GCKR: variants seen among roughly 807,000 people sequenced by gnomAD.
GCKR encodes glucokinase regulator, also known as glucokinase regulatory protein.
In GCKR, 73 loss-of-function variants were observed where a neutral mutation model predicts 82.9. That is an observed-to-expected ratio of 0.88 (90% confidence interval 0.73 to 1.07). GCKR has a LOEUF of 1.07. GCKR is among the 50% of genes least tolerant of loss of function. The pLI, the probability that GCKR is intolerant of heterozygous loss-of-function variation, is 0.00. For synonymous variants in GCKR, 294 were observed against 291.8 expected, an observed-to-expected ratio of 1.01 and a Z score of -0.08; for missense variants, 784 against 782.1, an observed-to-expected ratio of 1.00 and a Z score of -0.03.
chr2:27,523,182 A>T, intron 18 of GCKR, 87 bp from the exon 19 acceptor site: 1 of 1,107,682 alleles, frequency 9.0e-7, no homozygotes, highest in Non-Finnish European at 1.4e-6. Flanking sequence ...TACAGGCGTG[A>T]GCCACTGCGC....
chr2:27,501,001 T>C lies in GCKR; in HGVS notation c.550-134T>C. On this transcript the variant is annotated intron_variant, in intron 7 of 18. Coordinates refer to ENST00000264717, the MANE Select transcript of GCKR (RefSeq NM_001486.4). ...AACGTGCTCCCCCTTCAAATTTGGA[T>C]CCAGTAGATTGTAACTGTACCTGGG... 3.8e-6 allele frequency: 3 copies of C among 790,852 alleles called. No homozygotes were observed. The South Asian group carries it at 4.1e-5, about 11-fold the overall frequency. 49.0% of individuals were successfully genotyped at this position (790,852 alleles called of 1,614,324 possible). A position where few individuals can be genotyped will look rare whatever the true frequency, so the allele number is the denominator to read the frequency against.
chr2:27,519,168 G>A (rs1180644468), intron 17 of GCKR, among the ~76,000 whole-genome samples: 2 of 152,180 alleles, frequency 1.3e-5, no homozygotes, highest in Non-Finnish European at 2.9e-5. Flanking sequence ...CAAACGTGAT[G>A]GAAAACGAGT....
chr2:27,523,575 G>A lies in GCKR; in HGVS notation c.*136G>A, dbSNP rs1670203830. 2 of 818,102 alleles carry A rather than the reference G, an allele frequency of 2.4e-6. No individual in the cohort carries two copies. The highest frequency in any genetic ancestry group is 4.0e-6 in the Non-Finnish European group (2 of 495,196). 50.7% of individuals were successfully genotyped at this position (818,102 alleles called of 1,614,324 possible). A position where few individuals can be genotyped will look rare whatever the true frequency, so the allele number is the denominator to read the frequency against. On this transcript the variant is annotated 3_prime_UTR_variant, in exon 19 of 19. Transcript: ENST00000264717. The stretch of plus-strand genomic sequence containing the variant: ...GGGCATCCGCAGCCCAGGGTAGGGA[G>A]AAATATTCTCTCCACTTTGGGGGAG...
chr2:27,514,616 TA>T (rs1203569697), intron 16 of GCKR, among the ~76,000 whole-genome samples: 1 of 152,248 alleles, frequency 6.6e-6, no homozygotes, highest in Non-Finnish European at 1.5e-5. Flanking sequence ...TCCACATATG[TA>T]ATAGTTTACT....
intron 16 of GCKR, among the ~76,000 whole-genome samples, chr2:27,515,745 G>GTATATATATA (rs528066615): frequency 7.7e-6 from 1 of 129,464 alleles, no homozygotes; most frequent in African/African-American, 2.9e-5. Flanking sequence ...CCAATTGTTC[G>GTATATATATA]TATATATATA....
chr2:27,512,540 A>G (rs1266731878), intron 16 of GCKR, among the ~76,000 whole-genome samples: 2 of 152,018 alleles, frequency 1.3e-5, no homozygotes, highest in East Asian at 1.9e-4. Context: ...ATCTCAAAAA[A>G]AAAAAAAAAA....
intron 16 of GCKR, among the ~76,000 whole-genome samples, chr2:27,514,622 TTTACTCA>T (rs1669961781): frequency 6.6e-6 from 1 of 152,226 alleles, no homozygotes; most frequent in Non-Finnish European, 1.5e-5. Flanking sequence ...TATGTAATAG[TTTACTCA>T]GGCAATCTCC....
At chr2:27,511,614 C>A (rs545133277) in intron 16 of GCKR, among the ~76,000 whole-genome samples, 8 of 150,802 alleles carry the variant, frequency 5.3e-5, no homozygotes, top group African/African-American at 1.9e-4. Flanking sequence ...CAGGAGAAGC[C>A]GAGGTTGCAG....
chr2:27,501,373 G>A lies in GCKR; in HGVS notation c.644+144G>A, dbSNP rs574899547. The A allele has an allele frequency of 2.1e-5, 15 of 704,232 alleles. No individual in the cohort carries two copies. In the East Asian group the frequency reaches 3.8e-4, roughly 18 times the overall value. The allele number at this position is 704,232 out of a possible 1,614,324, so 43.6% of individuals were successfully genotyped here. A position where few individuals can be genotyped will look rare whatever the true frequency, so the allele number is the denominator to read the frequency against. On this transcript the variant is annotated intron_variant, in intron 8 of 18. Coordinates refer to ENST00000264717, the MANE Select transcript of GCKR (RefSeq NM_001486.4). ...TAAAGTAAATATGGGGTGCCCCTAA[G>A]CTTATAAGGTTTTTTGTTTGTTGGT...
chr2:27,513,584 CCTAT>C (rs1293793590), intron 16 of GCKR, among the ~76,000 whole-genome samples: 12 of 150,866 alleles, frequency 8.0e-5, no homozygotes, highest in Non-Finnish European at 1.0e-4. Flanking sequence ...TCCTATCTAC[CCTAT>C]CTATCTTTGT....
chr2:27,497,090 C>A, intron 1 of GCKR, 126 bp downstream of exon 1: 1 of 1,209,464 alleles, frequency 8.3e-7, no homozygotes, highest in South Asian at 1.2e-5. Context: ...CTAATATGCC[C>A]AGAGCACCAA....
intron 16 of GCKR, among the ~76,000 whole-genome samples, chr2:27,512,258 C>T (rs1012371237): frequency 2.0e-5 from 2 of 98,314 alleles, no homozygotes; most frequent in African/African-American, 4.0e-5. Context: ...AAAAAAAAAG[C>T]CGGGCGTGGT....
At chr2:27,514,660 C>G (rs1669963018) in intron 16 of GCKR, among the ~76,000 whole-genome samples, 1 of 152,186 alleles carries the variant, frequency 6.6e-6, no homozygotes, top group Non-Finnish European at 1.5e-5. Flanking sequence ...ATATAGGTTT[C>G]CCATATTTTG....
chr2:27,500,942 T>C (rs1572860218), intron 7 of GCKR, among the ~76,000 whole-genome samples, 193 bp from the exon 8 acceptor site: 1 of 152,350 alleles, frequency 6.6e-6, no homozygotes, highest in East Asian at 1.9e-4. Flanking sequence ...GGAGAACTTG[T>C]TAAAAATGTA....
chr2:27,514,057 G>C (rs1050494392), intron 16 of GCKR, among the ~76,000 whole-genome samples: 1 of 151,838 alleles, frequency 6.6e-6, no homozygotes, highest in African/African-American at 2.4e-5. Context: ...TTTCTGAGGA[G>C]ACCTGATCTT....
intron 16 of GCKR, among the ~76,000 whole-genome samples, chr2:27,514,247 G>A (rs1335387364): frequency 6.6e-6 from 1 of 151,604 alleles, no homozygotes. Flanking sequence ...AGATGAATGT[G>A]TCTGCGTATA....
chr2:27,516,476 G>A (rs1399580863), intron 16 of GCKR, among the ~76,000 whole-genome samples: 1 of 151,310 alleles, frequency 6.6e-6, no homozygotes, highest in Admixed American at 6.6e-5. Flanking sequence ...TGTATTTTTA[G>A]TAGAGATCAG....
intron 16 of GCKR, among the ~76,000 whole-genome samples, chr2:27,515,378 T>C (rs1255606191): frequency 6.6e-6 from 1 of 152,036 alleles, no homozygotes. Context: ...TGGGCTCTGG[T>C]GATCATCCCA....
chr2:27,522,903 T>G (rs1196290751), intron 18 of GCKR, among the ~76,000 whole-genome samples: 2 of 151,734 alleles, frequency 1.3e-5, no homozygotes, highest in African/African-American at 2.4e-5. Context: ...TTCTGTTTTT[T>G]TTTTTTTTTT....
Sources: gnomAD v4.1 joint callset for allele counts (sites outside exome capture counted in the v4.1 genomes callset) on GRCh38, gnomAD v4.1.1 for gene constraint, MANE v1.5 for transcripts, NCBI Gene and HGNC (gene_info 2026-07-23, HGNC 2026-07-21) for gene names.